The following MTCL1 variants were observed in gnomAD, a reference collection of about 807,000 sequenced individuals.
MTCL1 encodes the protein microtubule crosslinking factor 1, also known as microtubule cross-linking factor 1.
Under a neutral mutation model 141.4 loss-of-function variants are expected in MTCL1, and 79 were observed. The ratio of observed to expected loss-of-function variants is 0.56; its 90% CI spans 0.47 to 0.67. The LOEUF is 0.67. Among genes scored for constraint, MTCL1 ranks in the 30% least tolerant of loss-of-function variants. The probability of loss-of-function intolerance (pLI) is 0.00; values close to 1 mark genes in which losing one functional copy is unlikely to be tolerated. For synonymous variants in MTCL1, 914 were observed against 875.8 expected (o/e 1.04, Z -0.77); for missense variants, 2,177 against 2,113.9 (o/e 1.03, Z -0.59).
chr18:8,727,721 A>T (rs969716282), intron 4 of MTCL1, among the ~76,000 whole-genome samples: 28 of 152,176 alleles, frequency 1.8e-4, no homozygotes, highest in Admixed American at 1.3e-3. Context: ...TACATTTTTT[A>T]AAAATGGGAT....
intron 9 of MTCL1, 129 bp from the exon 9 acceptor site, chr18:8,797,968 G>C (rs746504981): frequency 2.4e-5 from 21 of 858,810 alleles, no homozygotes; most frequent in Admixed American, 8.1e-5. Flanking sequence ...AGCATTTTAG[G>C]GGTAAGGACT....
At chr18:8,730,882 C>T (rs1004432627) in intron 4 of MTCL1, among the ~76,000 whole-genome samples, 2 of 152,200 alleles carry the variant, frequency 1.3e-5, no homozygotes, top group Non-Finnish European at 2.9e-5. Context: ...GGCGTTTCAG[C>T]ATTTTACCTA....
chr18:8,792,528 A>G (rs2075768855), intron 7 of MTCL1, among the ~76,000 whole-genome samples: 1 of 152,200 alleles, frequency 6.6e-6, no homozygotes, highest in African/African-American at 2.4e-5. Context: ...AAAAACTCTA[A>G]TAAGAAAGCA....
At chr18:8,717,028 G>C (rs544451330), upstream of MTCL1, among the ~76,000 whole-genome samples, 6 of 152,190 alleles carry the variant, frequency 3.9e-5, no homozygotes, top group Non-Finnish European at 7.3e-5. Context: ...AGTTGTGTCT[G>C]ATGTTAGTCG....
exon 6 of MTCL1, chr18:8,784,165 G>C: frequency 6.2e-7 from 1 of 1,613,838 alleles, no homozygotes. Context: ...TCAGCGGCAA[G>C]GTGCTCAAAC....
chr18:8,815,427 A>G (rs986024254), intron 12 of MTCL1, among the ~76,000 whole-genome samples: 5 of 152,042 alleles, frequency 3.3e-5, no homozygotes, highest in Non-Finnish European at 7.3e-5. Context: ...CAGTGAGATC[A>G]CATGGACACA....
chr18:8,751,506 G>A (rs2096371111), intron 4 of MTCL1, among the ~76,000 whole-genome samples: 1 of 152,186 alleles, frequency 6.6e-6, no homozygotes, highest in South Asian at 2.1e-4. Context: ...CTGACATTTT[G>A]TGCTATAGTT....
chr18:8,728,389 A>T (rs1189600252), intron 4 of MTCL1, among the ~76,000 whole-genome samples: 1 of 151,964 alleles, frequency 6.6e-6, no homozygotes, highest in African/African-American at 2.4e-5. Flanking sequence ...TTTGAAGATA[A>T]TATTTTATTA....
At chr18:8,767,864 C>T (rs2096466625) in intron 4 of MTCL1, among the ~76,000 whole-genome samples, 1 of 151,998 alleles carries the variant, frequency 6.6e-6, no homozygotes, top group Non-Finnish European at 1.5e-5. Flanking sequence ...GACCTGTTAG[C>T]GTTTTAGTGT....
rs200248938 is a variant in MTCL1 at position 8,825,463 on chromosome 18, G to T, written c.3953G>T (p.Gly1318Val). The T allele has an allele frequency of 5.6e-6, 9 of 1,600,600 alleles. No individual in the cohort carries two copies. The East Asian group carries it at 1.6e-4, about 28-fold the overall frequency. The change falls in exon 15 of 17, where the codon GGG becomes GTG. Residue 1318 changes from glycine to valine, a missense_variant. Transcript: ENST00000359865. ...CAGACCAATGGGTCCCGGACGATGG[G>T]GACCCAGACTGTTCAGACCATCAGT...
chr18:8,707,538 CG>C (rs1264859880), intron 1 of MTCL1: 1 of 152,798 alleles, frequency 6.5e-6, no homozygotes, highest in African/African-American at 2.4e-5. Flanking sequence ...GTGCTGCAGA[CG>C]GGGTTCCCGG....
At chr18:8,721,634 C>T (rs2096173508) in intron 4 of MTCL1, among the ~76,000 whole-genome samples, 1 of 152,186 alleles carries the variant, frequency 6.6e-6, no homozygotes, top group South Asian at 2.1e-4. Context: ...ATTCACTCAG[C>T]CCCTCCCCTC....
intron 6 of MTCL1, among the ~76,000 whole-genome samples, chr18:8,785,323 C>T (rs989088701): frequency 6.6e-6 from 1 of 152,210 alleles, no homozygotes; most frequent in African/African-American, 2.4e-5. Context: ...ACAGTGCAGT[C>T]CAAGGCCCTA....
At chr18:8,774,018 G>C (rs1377789832) in intron 4 of MTCL1, among the ~76,000 whole-genome samples, 1 of 152,104 alleles carries the variant, frequency 6.6e-6, no homozygotes, top group Non-Finnish European at 1.5e-5. Context: ...AAAGTAGTTT[G>C]AGGCTTTGCA....
chr18:8,762,632 A>C (rs1465334872), intron 4 of MTCL1, among the ~76,000 whole-genome samples: 1 of 152,222 alleles, frequency 6.6e-6, no homozygotes, highest in African/African-American at 2.4e-5. Context: ...CGTGGCTTCC[A>C]CCCTTGAGGA....
chr18:8,807,635 C>A (rs2076344827), intron 11 of MTCL1, among the ~76,000 whole-genome samples: 2 of 152,174 alleles, frequency 1.3e-5, no homozygotes, highest in South Asian at 4.1e-4. Context: ...TTCCTGCCTC[C>A]ACCTCACACC....
chr18:8,824,441 G>A (rs893775502), intron 14 of MTCL1, among the ~76,000 whole-genome samples: 25 of 152,184 alleles, frequency 1.6e-4, no homozygotes, highest in African/African-American at 4.6e-4. Context: ...TTGGGATTAC[G>A]GGTGTGAGCC....
intron 4 of MTCL1, among the ~76,000 whole-genome samples, chr18:8,764,038 A>G (rs1378903029): frequency 5.3e-5 from 8 of 152,190 alleles, no homozygotes; most frequent in Non-Finnish European, 4.4e-5. Flanking sequence ...CACAGTTGAA[A>G]AAGTTCATAC....
chr18:8,771,818 T>C (rs911062884), intron 4 of MTCL1, among the ~76,000 whole-genome samples: 8 of 152,238 alleles, frequency 5.3e-5, no homozygotes, highest in Non-Finnish European at 1.0e-4. Context: ...TTGCTGGCAA[T>C]TGATCAGGCT....
Sources: allele counts gnomAD v4.1 joint callset (sites outside exome capture counted in the v4.1 genomes callset), GRCh38; gene constraint gnomAD v4.1.1; transcripts MANE v1.5; gene names NCBI Gene and HGNC (gene_info 2026-07-23, HGNC 2026-07-21).